SDK1: variants seen among roughly 807,000 people sequenced by gnomAD.
SDK1 encodes the protein sidekick cell adhesion molecule 1.
SDK1 carries 157 observed loss-of-function variants against 245.5 expected under a neutral mutation model. The observed-to-expected ratio is 0.64, with a 90% CI of 0.56 to 0.73. The LOEUF is 0.73. Among genes scored for constraint, SDK1 ranks in the 30% least tolerant of loss-of-function variants. SDK1 has a pLI of 0.00. For synonymous variants in SDK1, 1,647 were observed against 1,278.5 expected (o/e 1.29, Z -6.15); for missense variants, 3,583 against 3,002.3 (o/e 1.19, Z -4.52).
chr7:3,785,603 CTA>C (rs1260986358), intron 4 of SDK1, among the ~76,000 whole-genome samples: 3 of 152,014 alleles, frequency 2.0e-5, no homozygotes, highest in Admixed American at 6.5e-5. Flanking sequence ...TCTTAACAGA[CTA>C]TTGGTGTAAA....
rs550353567 is a variant in SDK1 at position 3,989,709 on chromosome 7, G to A, written c.2131+2387G>A. Among the ~76,000 whole-genome samples the A allele has an allele frequency of 4.6e-5, 7 of 152,296 alleles. No homozygotes were observed. The South Asian group carries it at 1.0e-3, about 23-fold the overall frequency. ...GGGCAGATTCAGCCTGAGTTCTGCC[G>A]TGGCTCTTCCCAGCTGATGTCAGCC... On this transcript the variant is annotated intron_variant, in intron 14 of 44. Transcript: ENST00000404826.
At chr7:4,097,796 C>A (rs1438888227) in intron 22 of SDK1, among the ~76,000 whole-genome samples, 1 of 152,160 alleles carries the variant, frequency 6.6e-6, no homozygotes, top group Non-Finnish European at 1.5e-5. Flanking sequence ...TCATAATAAA[C>A]CCTGACTGTA....
intron 4 of SDK1, among the ~76,000 whole-genome samples, chr7:3,741,938 C>T (rs1021467029): frequency 3.3e-5 from 5 of 149,286 alleles, no homozygotes; most frequent in African/African-American, 1.0e-4. Flanking sequence ...AAGCCCAATA[C>T]CCTGTCTATT....
At chr7:3,329,983 G>A (rs7457935) in intron 1 of SDK1, among the ~76,000 whole-genome samples, 39,166 of 152,130 alleles carry the variant, frequency 0.26, 5,231 homozygotes, top group East Asian at 0.39. Flanking sequence ...GTATGCATAG[G>A]AGGTCCTGGA....
intron 1 of SDK1, among the ~76,000 whole-genome samples, chr7:3,408,132 G>T (rs1004084301): frequency 2.0e-5 from 3 of 152,078 alleles, no homozygotes; most frequent in African/African-American, 7.2e-5. Flanking sequence ...CTGCCTCCCA[G>T]GTTCAAGCAA....
chr7:3,370,512 A>C (rs1459729373), intron 1 of SDK1, among the ~76,000 whole-genome samples: 2 of 152,220 alleles, frequency 1.3e-5, no homozygotes, highest in Non-Finnish European at 2.9e-5. Context: ...TAATCACTTA[A>C]AAAGGAAACA....
chr7:3,631,984 G>T (rs1202181294), intron 2 of SDK1, among the ~76,000 whole-genome samples: 1 of 151,848 alleles, frequency 6.6e-6, no homozygotes, highest in Non-Finnish European at 1.5e-5. Context: ...TGATTATGTA[G>T]AAACTAACAT....
At chr7:3,908,909 C>T (rs1370241013) in intron 5 of SDK1, among the ~76,000 whole-genome samples, 1 of 151,656 alleles carries the variant, frequency 6.6e-6, no homozygotes, top group Non-Finnish European at 1.5e-5. Context: ...CTCCTACTTC[C>T]CTAGGATGTT....
chr7:3,481,125 T>G (rs953860233), intron 1 of SDK1, among the ~76,000 whole-genome samples: 2 of 152,058 alleles, frequency 1.3e-5, no homozygotes, highest in Non-Finnish European at 2.9e-5. Flanking sequence ...TTTTATTTTG[T>G]CCTTTCACTT....
chr7:3,596,560 C>G (rs1781074392), intron 1 of SDK1, among the ~76,000 whole-genome samples: 2 of 152,186 alleles, frequency 1.3e-5, no homozygotes. Context: ...CTCCTCACTC[C>G]AGATGAACGT....
chr7:3,729,009 G>A (rs561772631), intron 4 of SDK1, among the ~76,000 whole-genome samples: 7 of 152,258 alleles, frequency 4.6e-5, no homozygotes, highest in South Asian at 2.1e-4. Flanking sequence ...GGATGCCAAC[G>A]GTGTCTCCTG....
At chr7:3,371,923 A>G (rs1781237913) in intron 1 of SDK1, among the ~76,000 whole-genome samples, 1 of 152,204 alleles carries the variant, frequency 6.6e-6, no homozygotes, top group African/African-American at 2.4e-5. Context: ...TTTTAGGATA[A>G]AACAATCCCA....
intron 1 of SDK1, among the ~76,000 whole-genome samples, chr7:3,434,972 A>G (rs1779975968): frequency 6.6e-6 from 1 of 152,204 alleles, no homozygotes; most frequent in African/African-American, 2.4e-5. Flanking sequence ...AAATTTTACA[A>G]CAATTTTTGA....
chr7:3,582,928 G>A (rs1342316446), intron 1 of SDK1, among the ~76,000 whole-genome samples: 2 of 152,104 alleles, frequency 1.3e-5, no homozygotes, highest in South Asian at 2.1e-4. Context: ...GTAGGAAAAG[G>A]GGGGCAGATA....
chr7:3,527,433 G>A (rs1263166493), intron 1 of SDK1, among the ~76,000 whole-genome samples: 4 of 152,176 alleles, frequency 2.6e-5, no homozygotes, highest in Admixed American at 2.6e-4. Flanking sequence ...AGACCTGATT[G>A]ATATGATGCC....
chr7:4,263,311 T>C (rs1361233202), intron 44 of SDK1, among the ~76,000 whole-genome samples: 1 of 150,728 alleles, frequency 6.6e-6, no homozygotes, highest in Non-Finnish European at 1.5e-5. Context: ...GGCTCTTCTA[T>C]GTTCTGCCCT....
intron 17 of SDK1, among the ~76,000 whole-genome samples, chr7:4,027,154 G>C (rs1583870166): frequency 6.6e-6 from 1 of 152,336 alleles, no homozygotes; most frequent in African/African-American, 2.4e-5. Flanking sequence ...GAGCCAGCAA[G>C]TGGTCCCTGA....
At chr7:3,574,875 A>T (rs569470533) in intron 1 of SDK1, among the ~76,000 whole-genome samples, 2 of 152,194 alleles carry the variant, frequency 1.3e-5, no homozygotes, top group Admixed American at 6.5e-5. Context: ...CAATTTTACA[A>T]ATTACACGAA....
intron 5 of SDK1, among the ~76,000 whole-genome samples, chr7:3,840,679 C>T (rs1231724075): frequency 6.6e-6 from 1 of 152,244 alleles, no homozygotes; most frequent in Non-Finnish European, 1.5e-5. Flanking sequence ...GGTTCACGGA[C>T]AACTCTGGTC....
Sources: gnomAD v4.1 joint callset for allele counts (sites outside exome capture counted in the v4.1 genomes callset) on GRCh38, gnomAD v4.1.1 for gene constraint, MANE v1.5 for transcripts, NCBI Gene and HGNC (gene_info 2026-07-23, HGNC 2026-07-21) for gene names.